The following ATXN7L1 variants were observed in gnomAD, a reference collection of about 807,000 sequenced individuals.
ATXN7L1 encodes ataxin-7-like protein 1.
ATXN7L1 carries 15 observed loss-of-function variants against 70.8 expected under a neutral mutation model. The observed-to-expected ratio is 0.21, with a 90% CI of 0.14 to 0.33. The LOEUF is 0.33. ATXN7L1 is among the 10% of genes least tolerant of loss of function. The probability of loss-of-function intolerance (pLI) is 1.00; values close to 1 mark genes in which losing one functional copy is unlikely to be tolerated. For missense variants in ATXN7L1, 975 were observed against 1,097.1 expected (o/e 0.89, Z 1.57); for synonymous variants, 440 against 445.1 (o/e 0.99, Z 0.14).
intron 2 of ATXN7L1, among the ~76,000 whole-genome samples, chr7:105,822,232 G>A (rs1810264203): frequency 6.6e-6 from 1 of 152,194 alleles, no homozygotes; most frequent in Non-Finnish European, 1.5e-5. Flanking sequence ...GAGTCCAGGA[G>A]TTTAAGGCAG....
At chr7:105,707,052 A>C (rs1026508166) in intron 3 of ATXN7L1, among the ~76,000 whole-genome samples, 1 of 152,226 alleles carries the variant, frequency 6.6e-6, no homozygotes, top group African/African-American at 2.4e-5. Flanking sequence ...AGCATTTAGC[A>C]CTTCTACTCC....
intron 3 of ATXN7L1, among the ~76,000 whole-genome samples, chr7:105,731,748 A>AAAAAGAAAAGAAAAGAGAAAAG (rs1796563086): frequency 1.4e-4 from 15 of 106,994 alleles, no homozygotes; most frequent in African/African-American, 5.2e-4. Context: ...CTTACTCCTT[A>AAAAAGAAAAGAAAAGAGAAAAG]AAAAGAAAAG....
intron 3 of ATXN7L1, among the ~76,000 whole-genome samples, chr7:105,736,697 T>A (rs1162701102): frequency 1.3e-5 from 2 of 152,192 alleles, no homozygotes; most frequent in East Asian, 3.9e-4. Context: ...CTAAAGCAAT[T>A]GTTCCAGAGA....
At chr7:105,743,642 G>C (rs111691559) in intron 3 of ATXN7L1, among the ~76,000 whole-genome samples, 2 of 152,242 alleles carry the variant, frequency 1.3e-5, no homozygotes, top group African/African-American at 4.8e-5. Flanking sequence ...AGCAGCCTAG[G>C]AGGTGGCCAC....
intron 2 of ATXN7L1, among the ~76,000 whole-genome samples, chr7:105,806,839 G>A (rs1245383817): frequency 6.6e-6 from 1 of 152,156 alleles, no homozygotes; most frequent in Non-Finnish European, 1.5e-5. Flanking sequence ...CAACACCTCT[G>A]ACAAGGAGTG....
chr7:105,647,718 A>G (rs1455862856), intron 4 of ATXN7L1, among the ~76,000 whole-genome samples: 1 of 152,208 alleles, frequency 6.6e-6, no homozygotes, highest in Non-Finnish European at 1.5e-5. Context: ...TTACTCCTCT[A>G]AAGTCAACGT....
At chr7:105,643,989 T>C (rs1383445538) in intron 4 of ATXN7L1, among the ~76,000 whole-genome samples, 1 of 152,210 alleles carries the variant, frequency 6.6e-6, no homozygotes, top group Non-Finnish European at 1.5e-5. Context: ...TGAATAAGCT[T>C]TGCTTTGGTC....
At chr7:105,668,865 G>C (rs2116088938) in intron 3 of ATXN7L1, among the ~76,000 whole-genome samples, 1 of 152,138 alleles carries the variant, frequency 6.6e-6, no homozygotes, top group Non-Finnish European at 1.5e-5. Flanking sequence ...GATTGTACCA[G>C]AGCACTCCAG....
chr7:105,619,904 G>C (rs1467077092), intron 9 of ATXN7L1, among the ~76,000 whole-genome samples: 1 of 151,860 alleles, frequency 6.6e-6, no homozygotes, highest in African/African-American at 2.4e-5. Flanking sequence ...CAATAAAAAG[G>C]CCCTTTAACT....
At chr7:105,626,662 A>G (rs186068198) in intron 7 of ATXN7L1, among the ~76,000 whole-genome samples, 1 of 152,284 alleles carries the variant, frequency 6.6e-6, no homozygotes, top group East Asian at 1.9e-4. Context: ...GACGTTCCTC[A>G]ATACCTGTTC....
intron 2 of ATXN7L1, among the ~76,000 whole-genome samples, chr7:105,805,513 G>C (rs1807441886): frequency 1.3e-5 from 2 of 152,200 alleles, no homozygotes. Flanking sequence ...TTGATTATAT[G>C]CCAGACACTG....
intron 3 of ATXN7L1, among the ~76,000 whole-genome samples, chr7:105,785,947 T>C (rs920324864): frequency 2.6e-5 from 4 of 152,218 alleles, no homozygotes; most frequent in African/African-American, 7.2e-5. Flanking sequence ...GATACTGTTA[T>C]AGCAGCCTGA....
intron 3 of ATXN7L1, among the ~76,000 whole-genome samples, chr7:105,759,258 C>A (rs1800207921): frequency 6.8e-6 from 1 of 147,564 alleles, no homozygotes. Flanking sequence ...TTCATTTATT[C>A]ATTATGTCTT....
intron 3 of ATXN7L1, among the ~76,000 whole-genome samples, chr7:105,681,893 G>A (rs891883529): frequency 3.2e-4 from 48 of 152,224 alleles, no homozygotes; most frequent in African/African-American, 1.1e-3. Context: ...GGGAGTTATT[G>A]TTCAATGGGT....
rs372565216 is a variant in ATXN7L1 at position 105,652,786 on chromosome 7, A to T, written c.579-9665T>A. Among the ~76,000 whole-genome samples, 11 of 152,328 alleles carry T rather than the reference A, an allele frequency of 7.2e-5. No homozygotes were observed. The East Asian group carries it at 2.1e-3, about 29-fold the overall frequency. Reference sequence around the variant, plus strand: ...CAAGAAGCTTTTTCTGAGCACGCTGAAAGATGAGGAAATGGCAAAGCATCC... The same window carrying T: ...CAAGAAGCTTTTTCTGAGCACGCTGTAAGATGAGGAAATGGCAAAGCATCC... On this transcript the variant is annotated intron_variant, in intron 4 of 11. Transcript: ENST00000419735.
At chr7:105,758,073 C>T (rs957946243) in intron 3 of ATXN7L1, among the ~76,000 whole-genome samples, 14 of 152,066 alleles carry the variant, frequency 9.2e-5, no homozygotes, top group Non-Finnish European at 1.6e-4. Context: ...GTCCCTCTTC[C>T]GAGTCCCTAC....
rs78347212 is a variant in ATXN7L1 at position 105,643,576 on chromosome 7, G to C, written c.579-455C>G. 7.6e-3 allele frequency among the ~76,000 whole-genome samples: 1,152 copies of C among 152,336 alleles called. 11 individuals are homozygous for C. The highest frequency in any genetic ancestry group is 0.03 in the East Asian group (153 of 5,178). On this transcript the variant is annotated intron_variant, in intron 4 of 11. Transcript: ENST00000419735. ...CCCCAGCCCGGCCCGGATCGGGCCT[G>C]ACATCTGCTTAGCTCCGGAGTGCTG...
At position 105,666,477 on chromosome 7, in the gene ATXN7L1, GC is replaced by G. The variant is rs1455573759; in HGVS notation, c.356-1190del. Among the ~76,000 whole-genome samples the G allele has an allele frequency of 7.2e-5, 11 of 152,350 alleles. 1 individual carries two copies. In the South Asian group the frequency reaches 2.3e-3, roughly 32 times the overall value. ...TCTCATTAGGGCACCTTTCCTGGTT[GC>G]TTTTGCAGGCACCCTGACCTGGGAG... On this transcript the variant is annotated intron_variant, in intron 3 of 11. Coordinates refer to ENST00000419735, the MANE Select transcript of ATXN7L1 (RefSeq NM_020725.2).
intron 9 of ATXN7L1, among the ~76,000 whole-genome samples, chr7:105,619,150 T>TTTTTTTC (rs1794415233): frequency 8.7e-6 from 1 of 114,968 alleles, no homozygotes; most frequent in Non-Finnish European, 1.8e-5. Flanking sequence ...GTTTTTTTTT[T>TTTTTTTC]TTTTTTTTTT....
Sources: gnomAD v4.1 joint callset for allele counts (sites outside exome capture counted in the v4.1 genomes callset) on GRCh38, gnomAD v4.1.1 for gene constraint, MANE v1.5 for transcripts, NCBI Gene and HGNC (gene_info 2026-07-23, HGNC 2026-07-21) for gene names.